The following SPMAP2L variants were observed in gnomAD, a reference collection of about 807,000 sequenced individuals.
SPMAP2L encodes sperm microtubule associated protein 2 like, also known as sperm microtubule associated protein 2-like.
the SPMAP2L span, chr4:56,531,031 C>T: frequency 6.5e-7 from 1 of 1,535,490 alleles, no homozygotes; most frequent in African/African-American, 1.4e-5. Flanking sequence ...CCGTGAACCC[C>T]GCCAGCTCCG....
chr4:56,537,997 C>G, the SPMAP2L span, among the ~76,000 whole-genome samples: 2 of 152,144 alleles, frequency 1.3e-5, no homozygotes, highest in Non-Finnish European at 2.9e-5. Context: ...CTAGCTTCAC[C>G]TGGATTTCTA....
At chr4:56,541,895 C>T in the SPMAP2L span, among the ~76,000 whole-genome samples, 1 of 152,250 alleles carries the variant, frequency 6.6e-6, no homozygotes, top group African/African-American at 2.4e-5. Flanking sequence ...AACGATCCTC[C>T]CACCTCAGCC....
the SPMAP2L span, among the ~76,000 whole-genome samples, chr4:56,619,008 C>T: frequency 5.9e-5 from 9 of 152,146 alleles, no homozygotes; most frequent in East Asian, 7.7e-4. Flanking sequence ...AGACATATGG[C>T]TTATTTGCTT....
chr4:56,553,400 C>T, the SPMAP2L span, among the ~76,000 whole-genome samples: 1 of 151,232 alleles, frequency 6.6e-6, no homozygotes, highest in Non-Finnish European at 1.5e-5. Context: ...CCTATGTTTC[C>T]CAGGCTGGCC....
At chr4:56,562,271 C>T in the SPMAP2L span, among the ~76,000 whole-genome samples, 2,677 of 151,948 alleles carry the variant, frequency 0.018, 40 homozygotes, top group Non-Finnish European at 0.024. Context: ...CCTACTCTCT[C>T]TTCCTAAAAG....
chr4:56,603,119 A>G, the SPMAP2L span: 20 of 767,108 alleles, frequency 2.6e-5, no homozygotes, highest in East Asian at 2.2e-4. Context: ...ATAATATCAT[A>G]GTACATAACA....
chr4:56,564,217 T>C, the SPMAP2L span, among the ~76,000 whole-genome samples: 1 of 150,920 alleles, frequency 6.6e-6, no homozygotes, highest in Non-Finnish European at 1.5e-5. Flanking sequence ...CACTGCAATC[T>C]CCACCTCCCA....
At chr4:56,535,676 C>T in the SPMAP2L span, among the ~76,000 whole-genome samples, 14 of 152,148 alleles carry the variant, frequency 9.2e-5, no homozygotes, top group Non-Finnish European at 1.5e-4. Flanking sequence ...GTCTGTGCCT[C>T]GTCCTGCTAC....
the SPMAP2L span, among the ~76,000 whole-genome samples, chr4:56,540,593 A>G: frequency 6.6e-6 from 1 of 151,944 alleles, no homozygotes; most frequent in Non-Finnish European, 1.5e-5. Flanking sequence ...TGAATGAAAA[A>G]GAAAGAAAGA....
the SPMAP2L span, among the ~76,000 whole-genome samples, chr4:56,575,152 G>C: frequency 6.6e-6 from 1 of 152,048 alleles, no homozygotes; most frequent in African/African-American, 2.4e-5. Context: ...GGGAGGCTGA[G>C]GCAGGAGAAT....
At chr4:56,599,750 T>C in the SPMAP2L span, among the ~76,000 whole-genome samples, 2 of 152,230 alleles carry the variant, frequency 1.3e-5, no homozygotes, top group African/African-American at 4.8e-5. Context: ...TTTTTATGGC[T>C]GCATAGTATT....
the SPMAP2L span, among the ~76,000 whole-genome samples, chr4:56,612,973 C>T: frequency 1.3e-5 from 2 of 152,082 alleles, no homozygotes; most frequent in African/African-American, 4.8e-5. Context: ...GCTTGGGGTG[C>T]CCAGCAAACC....
chr4:56,603,389 C>T, the SPMAP2L span: 1 of 1,179,852 alleles, frequency 8.5e-7, no homozygotes, highest in Non-Finnish European at 1.2e-6. Context: ...TGACTTAGTT[C>T]CCTGTTGCGG....
At chr4:56,585,281 G>A in the SPMAP2L span, among the ~76,000 whole-genome samples, 4 of 152,188 alleles carry the variant, frequency 2.6e-5, no homozygotes, top group East Asian at 1.9e-4. Flanking sequence ...TAGAAGATAA[G>A]GCTTTCAAAA....
At chr4:56,585,337 AC>A in the SPMAP2L span, among the ~76,000 whole-genome samples, 1 of 152,078 alleles carries the variant, frequency 6.6e-6, no homozygotes, top group Admixed American at 6.6e-5. Context: ...TGTGGACATT[AC>A]CGTGGGATTT....
chr4:56,619,558 G>A, the SPMAP2L span, among the ~76,000 whole-genome samples: 1 of 152,196 alleles, frequency 6.6e-6, no homozygotes, highest in African/African-American at 2.4e-5. Flanking sequence ...ATTGTCGCAT[G>A]AGGCAGGATT....
chr4:56,572,468 A>G, the SPMAP2L span, among the ~76,000 whole-genome samples: 1 of 152,326 alleles, frequency 6.6e-6, no homozygotes, highest in East Asian at 1.9e-4. Flanking sequence ...GAAAGCAGTG[A>G]TTATCCTATT....
At chr4:56,607,626 A>T in the SPMAP2L span, among the ~76,000 whole-genome samples, 2 of 152,142 alleles carry the variant, frequency 1.3e-5, no homozygotes, top group South Asian at 4.1e-4. Context: ...AACTCAGAAG[A>T]GTTGTAGAGA....
At chr4:56,592,806 C>T in the SPMAP2L span, among the ~76,000 whole-genome samples, 773 of 152,016 alleles carry the variant, frequency 5.1e-3, 1 homozygote, top group Middle Eastern at 0.038. Flanking sequence ...GCTGGGGCCT[C>T]GCGCCTCCTG....
Sources: allele counts gnomAD v4.1 joint callset (sites outside exome capture counted in the v4.1 genomes callset), GRCh38; gene constraint gnomAD v4.1.1; transcripts MANE v1.5; gene names NCBI Gene and HGNC (gene_info 2026-07-23, HGNC 2026-07-21).